The following ABCB1 variants were observed in gnomAD, a reference collection of about 807,000 sequenced individuals.
ABCB1 encodes the protein ATP binding cassette subfamily B member 1, also known as ATP-dependent translocase ABCB1.
ABCB1 carries 69 observed loss-of-function variants against 142.0 expected under a neutral mutation model. That is an observed-to-expected ratio of 0.49 (90% confidence interval 0.40 to 0.59). The LOEUF (loss-of-function observed/expected upper bound fraction) is 0.59. Among genes scored for constraint, ABCB1 ranks in the 20% least tolerant of loss-of-function variants. ABCB1 has a pLI of 0.00. For missense variants in ABCB1, 1,326 were observed against 1,554.7 expected, an observed-to-expected ratio of 0.85 and a Z score of 2.47; for synonymous variants, 532 against 539.2, an observed-to-expected ratio of 0.99 and a Z score of 0.18.
chr7:87,553,266 C>T (rs1024554137), intron 9 of ABCB1, among the ~76,000 whole-genome samples: 2 of 148,178 alleles, frequency 1.3e-5, no homozygotes, highest in Non-Finnish European at 3.0e-5. Flanking sequence ...CAAAAACAAA[C>T]AAGCAAATAA....
chr7:87,533,486 T>C (rs1209336064), intron 20 of ABCB1, among the ~76,000 whole-genome samples: 2 of 151,962 alleles, frequency 1.3e-5, no homozygotes, highest in African/African-American at 2.4e-5. Context: ...CCAAAAAGAG[T>C]AACTAAGAAG....
chr7:87,570,626 T>C lies in ABCB1; in HGVS notation c.287-403A>G, dbSNP rs1204852979. Among the ~76,000 whole-genome samples the C allele has an allele frequency of 2.6e-5, 4 of 152,242 alleles. No individual in the cohort carries two copies. In the East Asian group the frequency reaches 7.7e-4, roughly 29 times the overall value. On this transcript the variant is annotated intron_variant, in intron 4 of 27. Coordinates refer to ENST00000622132, the MANE Select transcript of ABCB1 (RefSeq NM_001348946.2). ...TAAAATCTTAGCATTTTTCCAGTTT[T>C]ATTCTTATTTAAAAATATCAAATAC...
rs1815467877 is a variant in ABCB1, at chr7:87,520,778, G to A, written c.2784C>T (p.Tyr928=). The A allele has an allele frequency of 6.2e-7, 1 of 1,612,654 alleles. No individual in the cohort carries two copies. The highest frequency in any genetic ancestry group is 1.1e-5 in the South Asian group (1 of 91,058). ...HMYAQSLQVP[Y]RNSLRKAHIF... ...TCCCACTCTTCAGCGGTTATTACCT[G>A]TATGGTACCTGCAAACTCTGAGCAT... The change falls in exon 22 of 28, where the codon TAC becomes TAT. Residue 928 remains tyrosine, a splice_region_variant and synonymous_variant. Transcript: ENST00000622132.
intron 25 of ABCB1, 115 bp from the exon 26 acceptor site, chr7:87,509,596 G>A (rs1814915384): frequency 8.7e-7 from 1 of 1,143,096 alleles, no homozygotes. Flanking sequence ...TTAAGGAAAA[G>A]TTTGTGTGAT....
intron 1 of ABCB1, among the ~76,000 whole-genome samples, chr7:87,612,531 A>G (rs1027571744): frequency 2.0e-5 from 3 of 151,986 alleles, no homozygotes; most frequent in African/African-American, 7.2e-5. Context: ...CCTTTCCCCA[A>G]TCATGATTTT....
At chr7:87,581,106 C>T (rs977368874) in intron 4 of ABCB1, among the ~76,000 whole-genome samples, 3 of 152,080 alleles carry the variant, frequency 2.0e-5, no homozygotes, top group East Asian at 3.9e-4. Flanking sequence ...CTCCTCCTTA[C>T]ATTTTATCAT....
intron 7 of ABCB1, among the ~76,000 whole-genome samples, chr7:87,565,758 T>G (rs1413640576): frequency 6.6e-6 from 1 of 152,138 alleles, no homozygotes; most frequent in Non-Finnish European, 1.5e-5. Context: ...CAAGTTTTTT[T>G]TTTTTGTTTT....
At chr7:87,700,748 C>A (rs1828959025) in intron 1 of ABCB1, among the ~76,000 whole-genome samples, 1 of 151,954 alleles carries the variant, frequency 6.6e-6, no homozygotes, top group Non-Finnish European at 1.5e-5. Context: ...TCAGCAGAAC[C>A]CTGAAGATGT....
At position 87,569,987 on chromosome 7, in the gene ABCB1, C is replaced by A. The variant is rs2235019; in HGVS notation, c.338+185G>T. Among the ~76,000 whole-genome samples, 2,048 of 152,196 alleles carry A rather than the reference C, an allele frequency of 0.013. 17 individuals are homozygous for A. Among genetic ancestry groups the A allele is most frequent in the Non-Finnish European group, 0.014 (944 of 68,008 alleles). On this transcript the variant is annotated intron_variant, in intron 5 of 27. Coordinates refer to ENST00000622132, the MANE Select transcript of ABCB1 (RefSeq NM_001348946.2). Reference sequence around the variant, plus strand: ...GCATATATGTCCATTTTAAGCTTAACTCTAACTTTTGTATACTTTATGCAG... The same window carrying A: ...GCATATATGTCCATTTTAAGCTTAAATCTAACTTTTGTATACTTTATGCAG...
At position 87,516,731 on chromosome 7, in the gene ABCB1, C is replaced by CTTTTTTTTT. The variant is rs546527484; in HGVS notation, c.2928-75_2928-67dup. On this transcript the variant is annotated intron_variant, in intron 23 of 27. Coordinates refer to ENST00000622132, the MANE Select transcript of ABCB1 (RefSeq NM_001348946.2). ...TCACAATGCTAGAAAGCTGACACTCCTTTTTTTTTTTTTTTTTTTTTTTGA... is the reference window on the plus strand; with the variant it reads ...TCACAATGCTAGAAAGCTGACACTCCTTTTTTTTTTTTTTTTTTTTTTTTTTTTTTTTGA... The CTTTTTTTTT allele has an allele frequency of 1.5e-4, 124 of 806,356 alleles. 2 individuals carry two copies. In the African/African-American group the frequency reaches 2.6e-3, roughly 17 times the overall value. The allele number at this position is 806,356 out of a possible 1,614,324, so 50.0% of individuals were successfully genotyped here. A position where few individuals can be genotyped will look rare whatever the true frequency, so the allele number is the denominator to read the frequency against.
intron 1 of ABCB1, among the ~76,000 whole-genome samples, chr7:87,633,792 G>A (rs1421345821): frequency 6.6e-6 from 1 of 152,104 alleles, no homozygotes; most frequent in African/African-American, 2.4e-5. Flanking sequence ...CTTGAACTTG[G>A]TGGGAGAAAT....
intron 1 of ABCB1, among the ~76,000 whole-genome samples, chr7:87,684,723 G>C (rs888301368): frequency 7.7e-6 from 1 of 129,670 alleles, no homozygotes; most frequent in African/African-American, 2.9e-5. Flanking sequence ...ACTCCAGCCT[G>C]GTGACAGAGT....
At chr7:87,626,222 A>ATGTCATATATATGTGTCATATATG (rs1820490795) in intron 1 of ABCB1, among the ~76,000 whole-genome samples, 4 of 11,584 alleles carry the variant, frequency 3.5e-4, no homozygotes, top group African/African-American at 4.8e-4. Flanking sequence ...TGTCATATAT[A>ATGTCATATATATGTGTCATATATG]TGTCATATAT....
At chr7:87,699,485 C>T (rs1828817002) in intron 1 of ABCB1, among the ~76,000 whole-genome samples, 1 of 152,120 alleles carries the variant, frequency 6.6e-6, no homozygotes, top group Non-Finnish European at 1.5e-5. Context: ...CTCACTGCAA[C>T]CTTCACCTCT....
intron 4 of ABCB1, among the ~76,000 whole-genome samples, chr7:87,579,237 C>T (rs1818406448): frequency 6.6e-6 from 1 of 152,068 alleles, no homozygotes; most frequent in South Asian, 2.1e-4. Context: ...TCTGATTGCC[C>T]TCGCTAGGAC....
chr7:87,543,342 C>CATTAAACATGAATTCATGAATGAATAT (rs1359074569), intron 17 of ABCB1, among the ~76,000 whole-genome samples: 1 of 152,054 alleles, frequency 6.6e-6, no homozygotes, highest in Non-Finnish European at 1.5e-5. Flanking sequence ...GCATGAATGT[C>CATTAAACATGAATTCATGAATGAATAT]ATTAAACATG....
intron 1 of ABCB1, among the ~76,000 whole-genome samples, chr7:87,652,786 T>C (rs954726940): frequency 6.6e-6 from 1 of 151,876 alleles, no homozygotes; most frequent in Admixed American, 6.6e-5. Context: ...GAAGTCATGA[T>C]TATTTTGATA....
At chr7:87,644,672 G>A (rs1822802765) in intron 1 of ABCB1, among the ~76,000 whole-genome samples, 1 of 151,906 alleles carries the variant, frequency 6.6e-6, no homozygotes, top group Non-Finnish European at 1.5e-5. Flanking sequence ...TTTTCCTGAA[G>A]CATATTGGAT....
intron 4 of ABCB1, 30 bp from the exon 5 acceptor site, chr7:87,570,253 T>C: frequency 6.3e-7 from 1 of 1,578,866 alleles, no homozygotes; most frequent in Non-Finnish European, 8.7e-7. Context: ...ACATACCATT[T>C]ATGTCTCTTT....
Sources: allele counts gnomAD v4.1 joint callset (sites outside exome capture counted in the v4.1 genomes callset), GRCh38; gene constraint gnomAD v4.1.1; transcripts MANE v1.5; gene names NCBI Gene and HGNC (gene_info 2026-07-23, HGNC 2026-07-21).